GPR39: variants seen among roughly 807,000 people sequenced by gnomAD.
GPR39 encodes the protein zinc sensing receptor.
Under a neutral mutation model 18.4 loss-of-function variants are expected in GPR39, and 23 were observed. The ratio of observed to expected loss-of-function variants is 1.25; its 90% CI spans 0.90 to 1.77. The LOEUF (loss-of-function observed/expected upper bound fraction) is 1.77, where lower values mean the gene tolerates loss of function less well. Among genes scored for constraint, GPR39 ranks in the 40% most tolerant of loss-of-function variants. GPR39 has a pLI of 0.00. For missense variants in GPR39, 647 were observed against 602.4 expected, an observed-to-expected ratio of 1.07 and a Z score of -0.78; for synonymous variants, 280 against 257.9, an observed-to-expected ratio of 1.09 and a Z score of -0.82.
intron 1 of GPR39, among the ~76,000 whole-genome samples, chr2:132,473,371 G>A (rs1681068078): frequency 6.6e-6 from 1 of 152,094 alleles, no homozygotes; most frequent in South Asian, 2.1e-4. Flanking sequence ...GCTCCCCCAT[G>A]CAATTATTAT....
rs1021845290 is a variant in GPR39 at position 132,467,543 on chromosome 2, G to T, written c.856+49645G>T. 5.3e-5 allele frequency among the ~76,000 whole-genome samples: 8 copies of T among 152,226 alleles called. 1 individual carries two copies. The South Asian group carries it at 1.5e-3, about 28-fold the overall frequency. ...ATAGCCAGGAAACAAACTTGTGCAT[G>T]TACCCTCTGAATCTAAAATAAAAGT... On this transcript the variant is annotated intron_variant, in intron 1 of 1. Coordinates refer to ENST00000329321, the MANE Select transcript of GPR39 (RefSeq NM_001508.3).
intron 1 of GPR39, among the ~76,000 whole-genome samples, chr2:132,556,993 G>C (rs746477804): frequency 1.3e-5 from 2 of 152,104 alleles, no homozygotes; most frequent in African/African-American, 2.4e-5. Context: ...CTTGTAGAGG[G>C]CTGTTTATCA....
Position 132,587,942 on chromosome 2 carries a change from GAAT to G in GPR39, c.857-57155_857-57153del, listed in dbSNP as rs567556258. Reference sequence around the variant, plus strand: ...TATTATGAACATGAGGAGTTGACTGGAATAATGAATGAAAACCAGCTTTAAGGT... The same window carrying G: ...TATTATGAACATGAGGAGTTGACTGGAATGAATGAAAACCAGCTTTAAGGT... On this transcript the variant is annotated intron_variant, in intron 1 of 1. Transcript: ENST00000329321. Among the ~76,000 whole-genome samples the G allele has an allele frequency of 4.0e-3, 613 of 152,280 alleles. 3 individuals are homozygous for G. Among genetic ancestry groups the G allele is most frequent in the African/African-American group, 0.014 (573 of 41,548 alleles).
chr2:132,480,818 CT>C (rs1388893092), intron 1 of GPR39, among the ~76,000 whole-genome samples: 1 of 152,176 alleles, frequency 6.6e-6, no homozygotes, highest in Non-Finnish European at 1.5e-5. Context: ...GTTGGAAGCT[CT>C]TTTTTGTTTG....
At chr2:132,456,851 G>A (rs980969268) in intron 1 of GPR39, among the ~76,000 whole-genome samples, 1 of 152,230 alleles carries the variant, frequency 6.6e-6, no homozygotes, top group Admixed American at 6.5e-5. Flanking sequence ...GAGATCCGCT[G>A]TTAGTCTGAT....
chr2:132,461,162 C>A (rs1203556157), intron 1 of GPR39, among the ~76,000 whole-genome samples: 3 of 152,120 alleles, frequency 2.0e-5, no homozygotes, highest in Non-Finnish European at 4.4e-5. Context: ...TCTCATTCTG[C>A]AGATAAGGAA....
At chr2:132,457,614 G>C (rs1680753876) in intron 1 of GPR39, among the ~76,000 whole-genome samples, 2 of 152,218 alleles carry the variant, frequency 1.3e-5, no homozygotes, top group African/African-American at 2.4e-5. Flanking sequence ...GAGGCAGTCT[G>C]TCTGTTCTCA....
At chr2:132,582,955 C>G (rs1347124515) in intron 1 of GPR39, among the ~76,000 whole-genome samples, 2 of 116,534 alleles carry the variant, frequency 1.7e-5, no homozygotes, top group African/African-American at 3.4e-5. Context: ...GGGTTTTGCT[C>G]TGTTGCCTAG....
At chr2:132,620,912 C>T (rs1183849610) in intron 1 of GPR39, among the ~76,000 whole-genome samples, 1 of 152,072 alleles carries the variant, frequency 6.6e-6, no homozygotes, top group African/African-American at 2.4e-5. Flanking sequence ...ACCACCACGC[C>T]CGGCTAATTT....
intron 1 of GPR39, among the ~76,000 whole-genome samples, chr2:132,464,228 T>A (rs1006689929): frequency 6.6e-6 from 1 of 152,196 alleles, no homozygotes; most frequent in Non-Finnish European, 1.5e-5. Context: ...ATCATCTGGA[T>A]TGATTTACTT....
At chr2:132,453,289 G>T (rs551151691) in intron 1 of GPR39, among the ~76,000 whole-genome samples, 1 of 152,316 alleles carries the variant, frequency 6.6e-6, no homozygotes, top group Non-Finnish European at 1.5e-5. Context: ...CTTTTGAGAA[G>T]TGTCTGTTCA....
intron 1 of GPR39, among the ~76,000 whole-genome samples, chr2:132,503,718 G>A (rs966641195): frequency 9.8e-5 from 15 of 152,316 alleles, no homozygotes; most frequent in African/African-American, 3.6e-4. Context: ...ACCACCAGCT[G>A]GGGGAACGGA....
At chr2:132,510,911 A>T (rs59462330) in intron 1 of GPR39, among the ~76,000 whole-genome samples, 16,841 of 152,230 alleles carry the variant, frequency 0.11, 982 homozygotes, top group East Asian at 0.17. Flanking sequence ...TCCCAAAGGC[A>T]GTGTTAAAAA....
intron 1 of GPR39, among the ~76,000 whole-genome samples, chr2:132,493,170 A>ATT: frequency 7.0e-6 from 1 of 142,850 alleles, no homozygotes; most frequent in Non-Finnish European, 1.5e-5. Context: ...CCATATATAC[A>ATT]CCATATATAC....
intron 1 of GPR39, among the ~76,000 whole-genome samples, chr2:132,531,792 T>A (rs546325867): frequency 1.6e-4 from 24 of 152,346 alleles, no homozygotes; most frequent in Non-Finnish European, 2.9e-4. Flanking sequence ...AGATGTTCTT[T>A]GAAACCAATG....
intron 1 of GPR39, among the ~76,000 whole-genome samples, chr2:132,489,988 C>T (rs957786021): frequency 1.3e-5 from 2 of 151,888 alleles, no homozygotes; most frequent in Admixed American, 1.3e-4. Context: ...TGAGCAGAAT[C>T]CTCACCAGGT....
At chr2:132,459,690 T>C (rs1440676112) in intron 1 of GPR39, among the ~76,000 whole-genome samples, 1 of 152,222 alleles carries the variant, frequency 6.6e-6, no homozygotes, top group Non-Finnish European at 1.5e-5. Flanking sequence ...GGAATTCTTA[T>C]TGAATTAGAT....
intron 1 of GPR39, among the ~76,000 whole-genome samples, chr2:132,612,692 A>T (rs1223832521): frequency 6.6e-6 from 1 of 152,196 alleles, no homozygotes; most frequent in South Asian, 2.1e-4. Flanking sequence ...TGCTCAGTTT[A>T]TTTTTGTGCT....
chr2:132,498,701 A>T (rs866549417), intron 1 of GPR39, among the ~76,000 whole-genome samples: 9 of 152,180 alleles, frequency 5.9e-5, no homozygotes, highest in African/African-American at 2.2e-4. Context: ...GCAATGTGAA[A>T]GTATTCCCTT....
Sources: allele counts gnomAD v4.1 joint callset (sites outside exome capture counted in the v4.1 genomes callset), GRCh38; gene constraint gnomAD v4.1.1; transcripts MANE v1.5; gene names NCBI Gene and HGNC (gene_info 2026-07-23, HGNC 2026-07-21).